Variants in APOO observed in about 807,000 individuals in gnomAD.
APOO encodes MICOS complex subunit MIC26.
Under a neutral mutation model 23.1 loss-of-function variants are expected in APOO, and 11 were observed. The ratio of observed to expected loss-of-function variants is 0.48; its 90% CI spans 0.30 to 0.79. The LOEUF is 0.79. APOO is among the 30% of genes least tolerant of loss of function. The probability of loss-of-function intolerance (pLI) is 0.07; values close to 1 mark genes in which losing one functional copy is unlikely to be tolerated. For synonymous variants in APOO, 59 were observed against 54.8 expected (o/e 1.08, Z -0.34); for missense variants, 160 against 142.7 (o/e 1.12, Z -0.62).
chrX:23,903,368 T>TAGAA (rs1194224048), intron 1 of APOO, among the ~76,000 whole-genome samples: 2 of 101,610 alleles, frequency 2.0e-5, no homozygotes, highest in Non-Finnish European at 4.0e-5. Context: ...AGACTCCATC[T>TAGAA]AGAAAAAAAA....
chrX:23,853,794 AT>A (rs374137034), intron 7 of APOO, among the ~76,000 whole-genome samples: 2 of 104,414 alleles, frequency 1.9e-5, no homozygotes, highest in Non-Finnish European at 2.0e-5. Flanking sequence ...CCTGGTTATT[AT>A]TTTTTTTTTG....
chrX:23,903,553 C>A (rs1443820587), intron 1 of APOO, among the ~76,000 whole-genome samples: 2 of 111,235 alleles, frequency 1.8e-5, no homozygotes, highest in Non-Finnish European at 3.8e-5. Flanking sequence ...AAATAAAATT[C>A]ATCACTAAGT....
chrX:23,866,215 C>T (rs1925329407), intron 5 of APOO, among the ~76,000 whole-genome samples: 1 of 112,025 alleles, frequency 8.9e-6, no homozygotes, highest in African/African-American at 3.2e-5. Flanking sequence ...ATCCCAACAC[C>T]CTGGCCTTGG....
intron 1 of APOO, among the ~76,000 whole-genome samples, chrX:23,903,569 G>A (rs1378409108): frequency 1.8e-5 from 2 of 111,171 alleles, no homozygotes; most frequent in African/African-American, 6.5e-5. Context: ...TAAGTTACAT[G>A]CATAAGTCCA....
rs1045606814 is a variant in APOO, at chrX:23,907,723, C to T, written c.-21G>A. 31 of 1,159,127 alleles carry T rather than the reference C, an allele frequency of 2.7e-5. No individual in the cohort carries two copies. In the African/African-American group the frequency reaches 4.8e-4, roughly 18 times the overall value. On this transcript the variant is annotated 5_prime_UTR_variant, in exon 1 of 9. Transcript: ENST00000379226. ...AACATGTCGCTGGCAGCGGAGGCTC[C>T]GGCAGGGTCACCCCGGCCTCGGCCA...
At chrX:23,898,154 A>G (rs1296936011) in intron 1 of APOO, among the ~76,000 whole-genome samples, 3 of 108,286 alleles carry the variant, frequency 2.8e-5, no homozygotes, top group Admixed American at 1.0e-4. Context: ...GCTGGAATGC[A>G]GTGGCACAAT....
intron 1 of APOO, among the ~76,000 whole-genome samples, chrX:23,892,609 A>T (rs1261878210): frequency 9.2e-6 from 1 of 108,793 alleles, no homozygotes; most frequent in African/African-American, 3.3e-5. Flanking sequence ...TCTACTAAAA[A>T]TACAAAAAAT....
intron 1 of APOO, among the ~76,000 whole-genome samples, chrX:23,884,882 T>C (rs1926301390): frequency 9.0e-6 from 1 of 110,853 alleles, no homozygotes; most frequent in Non-Finnish European, 1.9e-5. Flanking sequence ...GAGGGAAAAA[T>C]GATGAGTTGG....
At position 23,870,155 on chromosome X, in the gene APOO, A is replaced by G. The variant is rs970053705; in HGVS notation, c.293-1467T>C. Among the ~76,000 whole-genome samples, 3 of 111,128 alleles carry G rather than the reference A, an allele frequency of 2.7e-5. No individual in the cohort carries two copies. In the East Asian group the frequency reaches 8.5e-4, roughly 31 times the overall value. On this transcript the variant is annotated intron_variant, in intron 4 of 8. Coordinates refer to ENST00000379226, the MANE Select transcript of APOO (RefSeq NM_024122.5). ...AAATACAACATGTGACCTATTCATC[A>G]TGACTGAACATGCCTTCTGACTTCA... is the stretch of plus-strand genomic sequence containing the variant.
chrX:23,858,585 A>G, intron 6 of APOO, 57 bp downstream of exon 6: 1 of 1,082,203 alleles, frequency 9.2e-7, no homozygotes, highest in Non-Finnish European at 1.3e-6. Context: ...TAAGCATCAG[A>G]TTCATACACA....
chrX:23,887,939 G>A lies in APOO; in HGVS notation c.10-6987C>T, dbSNP rs750607384. Among the ~76,000 whole-genome samples the A allele has an allele frequency of 8.9e-5, 10 of 111,870 alleles. No homozygotes were observed. In the Admixed American group the frequency reaches 9.5e-4, roughly 11 times the overall value. Reference sequence around the variant, plus strand: ...GACTCTAATGTGTTGGCTTCTCTGAGGTTTTGAATACAGCTGTAAGACCCA... The same window carrying A: ...GACTCTAATGTGTTGGCTTCTCTGAAGTTTTGAATACAGCTGTAAGACCCA... On this transcript the variant is annotated intron_variant, in intron 1 of 8. Coordinates refer to ENST00000379226, the MANE Select transcript of APOO (RefSeq NM_024122.5).
At chrX:23,880,677 A>C (rs1926072058) in intron 2 of APOO, among the ~76,000 whole-genome samples, 168 bp downstream of exon 2, 1 of 107,731 alleles carries the variant, frequency 9.3e-6, no homozygotes, top group East Asian at 2.9e-4. Flanking sequence ...CAGCCTGGGC[A>C]ACAAGAGCGA....
At chrX:23,889,275 G>C (rs1436302438) in intron 1 of APOO, among the ~76,000 whole-genome samples, 2 of 112,042 alleles carry the variant, frequency 1.8e-5, no homozygotes, top group East Asian at 5.5e-4. Flanking sequence ...TGGGTGTCCA[G>C]AAGGCTAAAC....
chrX:23,888,509 A>C (rs942860884), intron 1 of APOO, among the ~76,000 whole-genome samples: 2 of 111,768 alleles, frequency 1.8e-5, no homozygotes, highest in Non-Finnish European at 3.8e-5. Flanking sequence ...GAAGCTTATG[A>C]ATTTAATCAA....
At chrX:23,878,333 G>A (rs991887350) in intron 3 of APOO, among the ~76,000 whole-genome samples, 6 of 111,923 alleles carry the variant, frequency 5.4e-5, no homozygotes, top group African/African-American at 1.3e-4. Flanking sequence ...AAGGCGTTAC[G>A]CACTGCCCAG....
intron 1 of APOO, among the ~76,000 whole-genome samples, chrX:23,895,389 C>G (rs924927673): frequency 1.8e-5 from 2 of 111,393 alleles, no homozygotes; most frequent in African/African-American, 6.5e-5. Flanking sequence ...TCTCAGCAAA[C>G]TAACACAGGA....
chrX:23,873,980 A>G (rs1925732146), intron 4 of APOO, among the ~76,000 whole-genome samples: 1 of 112,100 alleles, frequency 8.9e-6, no homozygotes, highest in South Asian at 3.7e-4. Flanking sequence ...ACTATCAATT[A>G]TGCAGTAAGA....
intron 1 of APOO, among the ~76,000 whole-genome samples, chrX:23,904,206 T>C (rs981411484): frequency 9.0e-6 from 1 of 111,391 alleles, no homozygotes; most frequent in Non-Finnish European, 1.9e-5. Flanking sequence ...AGAACTCCAT[T>C]GTGTTCATGA....
In APOO at chrX:23,865,460, T is replaced by C. The variant is rs1317180485; in HGVS notation, c.388+3133A>G. Among the ~76,000 whole-genome samples, 3 of 109,355 alleles carry C rather than the reference T, an allele frequency of 2.7e-5. No homozygotes were observed. In the Admixed American group the frequency reaches 2.9e-4, roughly 11 times the overall value. The allele number at this position is 109,355 out of a possible 115,157, so 95.0% of individuals were successfully genotyped here. ...GTCTACTAAAAATACAAAAATGAGC[T>C]GGGCATGGTGGTGCACGCCTGTAGT... On this transcript the variant is annotated intron_variant, in intron 5 of 8. Transcript: ENST00000379226.
Sources: allele counts gnomAD v4.1 joint callset (sites outside exome capture counted in the v4.1 genomes callset), GRCh38; gene constraint gnomAD v4.1.1; transcripts MANE v1.5; gene names NCBI Gene and HGNC (gene_info 2026-07-23, HGNC 2026-07-21).